ABLIM1: variants seen among roughly 807,000 people sequenced by gnomAD.
The protein encoded by ABLIM1 is actin binding LIM protein 1.
Under a neutral mutation model 107.0 loss-of-function variants are expected in ABLIM1, and 40 were observed. That is an observed-to-expected ratio of 0.37 (90% CI 0.29 to 0.49). The LOEUF (loss-of-function observed/expected upper bound fraction) is 0.49. ABLIM1 is among the 20% of genes least tolerant of loss of function. The pLI is 0.97. For missense variants in ABLIM1, 857 were observed against 1,008.5 expected, an observed-to-expected ratio of 0.85 and a Z score of 2.04; for synonymous variants, 357 against 357.3, an observed-to-expected ratio of 1.00 and a Z score of 0.01.
At chr10:114,533,668 G>A (rs1228486619) in intron 6 of ABLIM1, among the ~76,000 whole-genome samples, 1 of 152,068 alleles carries the variant, frequency 6.6e-6, no homozygotes, top group East Asian at 1.9e-4. Flanking sequence ...TGTTTTTGTT[G>A]TTGTTGTTGT....
intron 1 of ABLIM1, among the ~76,000 whole-genome samples, chr10:114,681,441 CG>C (rs1566230743): frequency 6.6e-6 from 1 of 152,108 alleles, no homozygotes; most frequent in South Asian, 2.1e-4. Flanking sequence ...GTGATCTGCC[CG>C]CCTCAGCCTC....
At chr10:114,559,762 G>GCA (rs1396623280) in intron 4 of ABLIM1, among the ~76,000 whole-genome samples, 1 of 152,228 alleles carries the variant, frequency 6.6e-6, no homozygotes, top group Non-Finnish European at 1.5e-5. Flanking sequence ...GCTGAAGCTT[G>GCA]AAGGCTGTGT....
intron 16 of ABLIM1, among the ~76,000 whole-genome samples, chr10:114,444,707 C>T (rs946031850): frequency 4.6e-5 from 7 of 152,078 alleles, no homozygotes; most frequent in Non-Finnish European, 1.0e-4. Context: ...ACTAATATCA[C>T]GTGCATTTCC....
chr10:114,747,993 T>A (rs2082421062), intron 1 of ABLIM1, among the ~76,000 whole-genome samples: 1 of 152,140 alleles, frequency 6.6e-6, no homozygotes, highest in Non-Finnish European at 1.5e-5. Context: ...TGAGCCAAGA[T>A]GGGGCCATCG....
chr10:114,759,612 C>T lies in ABLIM1; in HGVS notation c.-213+8449G>A, dbSNP rs139506491. Among the ~76,000 whole-genome samples the T allele has an allele frequency of 6.1e-3, 921 of 152,194 alleles. 8 individuals are homozygous for T. The highest frequency in any genetic ancestry group is 0.013 in the African/African-American group (553 of 41,520). ...ACCAACTTGCCATTTGGGAAAATAG[C>T]CCAAAAATGTGCTGGATTGAAGGGG... On this transcript the variant is annotated intron_variant, in intron 1 of 15. Coordinates refer to the ABLIM1 transcript ENST00000651092.
chr10:114,784,078 T>G, the ABLIM1 span, among the ~76,000 whole-genome samples: 2 of 151,974 alleles, frequency 1.3e-5, no homozygotes, highest in African/African-American at 2.4e-5. Context: ...CCGGGCGCAG[T>G]GGCTCACATC....
At chr10:114,588,366 G>GAA (rs58392721) in intron 2 of ABLIM1, among the ~76,000 whole-genome samples, 11 of 150,272 alleles carry the variant, frequency 7.3e-5, no homozygotes, top group South Asian at 4.2e-4. Context: ...AGGCTGTTTT[G>GAA]AAAAAAAAGC....
At chr10:114,548,899 C>A (rs1565902229) in intron 4 of ABLIM1, among the ~76,000 whole-genome samples, 1 of 152,194 alleles carries the variant, frequency 6.6e-6, no homozygotes, top group Non-Finnish European at 1.5e-5. Context: ...ACTTGGTACA[C>A]AAAGTGATGA....
chr10:114,727,329 CAA>C (rs1440619190), intron 1 of ABLIM1, among the ~76,000 whole-genome samples: 1 of 152,132 alleles, frequency 6.6e-6, no homozygotes, highest in African/African-American at 2.4e-5. Context: ...GATACAATAT[CAA>C]AAGAGTATAA....
chr10:114,451,485 A>T, intron 14 of ABLIM1, 139 bp downstream of exon 14: 2 of 806,956 alleles, frequency 2.5e-6, no homozygotes, highest in Admixed American at 1.8e-5. Context: ...ACATCTTAGT[A>T]GACCAGAAAG....
chr10:114,718,043 G>GAGAAAGAA (rs60775863), intron 1 of ABLIM1, among the ~76,000 whole-genome samples: 8,132 of 76,350 alleles, frequency 0.11, 747 homozygotes, highest in East Asian at 0.3. Context: ...GAAAGAGAAA[G>GAGAAAGAA]AGAAAGAAAG....
chr10:114,530,601 T>A (rs2065343910), intron 6 of ABLIM1, among the ~76,000 whole-genome samples: 2 of 152,174 alleles, frequency 1.3e-5, no homozygotes, highest in South Asian at 4.1e-4. Flanking sequence ...TAGGGTGATC[T>A]CGGCTTACTG....
chr10:114,563,984 C>T (rs2070239447), intron 4 of ABLIM1, among the ~76,000 whole-genome samples: 2 of 147,802 alleles, frequency 1.4e-5, no homozygotes, highest in South Asian at 2.3e-4. Flanking sequence ...CCTTCCTCAT[C>T]TTTTCCCACA....
In ABLIM1 at chr10:114,447,568, A is replaced by T. The variant is rs566246369; in HGVS notation, c.1735+312T>A. On this transcript the variant is annotated intron_variant, in intron 15 of 22. Coordinates refer to ENST00000533213, the MANE Select transcript of ABLIM1 (RefSeq NM_002313.7). Reference sequence around the variant, plus strand: ...TGTTCTTGCCATAAGGCTTTCACTCAACTATGTTCAACAGAGTTACTGATT... The same window carrying T: ...TGTTCTTGCCATAAGGCTTTCACTCTACTATGTTCAACAGAGTTACTGATT... 2.6e-5 allele frequency among the ~76,000 whole-genome samples: 4 copies of T among 152,332 alleles called. No individual in the cohort carries two copies. In the East Asian group the frequency reaches 7.7e-4, roughly 29 times the overall value.
At chr10:114,514,300 A>G (rs994248542) in intron 6 of ABLIM1, among the ~76,000 whole-genome samples, 1,085 of 52,244 alleles carry the variant, frequency 0.021, 19 homozygotes, top group African/African-American at 0.11. Flanking sequence ...CTCTGTCTCA[A>G]AAAAAAAAAA....
chr10:114,451,087 G>T (rs1383128449), intron 14 of ABLIM1, among the ~76,000 whole-genome samples: 1 of 152,168 alleles, frequency 6.6e-6, no homozygotes, highest in African/African-American at 2.4e-5. Context: ...TGACGTCACA[G>T]AGCCATTTAG....
chr10:114,432,435 C>T lies in ABLIM1; in HGVS notation c.*3825G>A, dbSNP rs557093005. 16 of 152,300 alleles carry T rather than the reference C, an allele frequency of 1.1e-4. No homozygotes were observed. Among genetic ancestry groups the T allele is most frequent in the African/African-American group, 3.8e-4 (16 of 41,580 alleles). 9.4% of individuals were successfully genotyped at this position (152,300 alleles called of 1,614,324 possible). A position where few individuals can be genotyped will look rare whatever the true frequency, so the allele number is the denominator to read the frequency against. Reference sequence around the variant, plus strand: ...TGTCTCTTCCATACACAGGAGGATGCTAAGACCCAGTTAGCTTTAAATGGT... The same window carrying T: ...TGTCTCTTCCATACACAGGAGGATGTTAAGACCCAGTTAGCTTTAAATGGT... On this transcript the variant is annotated 3_prime_UTR_variant, in exon 23 of 23. Transcript: ENST00000533213.
intron 17 of ABLIM1, among the ~76,000 whole-genome samples, chr10:114,442,168 G>A (rs2060292202): frequency 6.6e-6 from 1 of 152,212 alleles, no homozygotes; most frequent in Non-Finnish European, 1.5e-5. Context: ...CCTGCCAACA[G>A]TTACTAAGCT....
intron 6 of ABLIM1, among the ~76,000 whole-genome samples, chr10:114,509,735 T>C (rs2061598613): frequency 6.6e-6 from 1 of 152,230 alleles, no homozygotes; most frequent in African/African-American, 2.4e-5. Context: ...CATCCATGCC[T>C]TGGCCATGTG....
Sources: allele counts gnomAD v4.1 joint callset (sites outside exome capture counted in the v4.1 genomes callset), GRCh38; gene constraint gnomAD v4.1.1; transcripts MANE v1.5; gene names NCBI Gene and HGNC (gene_info 2026-07-23, HGNC 2026-07-21).